KRT73: variants seen among roughly 807,000 people sequenced by gnomAD.
KRT73 encodes the protein keratin 73, also known as keratin, type II cytoskeletal 73.
A neutral mutation model predicts 47.2 loss-of-function variants in KRT73; 44 were observed. The observed-to-expected ratio is 0.93, with a 90% confidence interval of 0.73 to 1.20. KRT73 has a LOEUF of 1.20. Ranked by LOEUF, KRT73 falls within the 50% of genes most tolerant of loss-of-function variation. The probability of loss-of-function intolerance (pLI) is 0.00; values close to 1 mark genes in which losing one functional copy is unlikely to be tolerated. For missense variants in KRT73, 713 were observed against 704.5 expected (o/e 1.01, Z -0.14); for synonymous variants, 285 against 291.3 (o/e 0.98, Z 0.22).
Position 52,618,322 on chromosome 12 carries a change from G to T in KRT73, c.203C>A (p.Ala68Glu). The T allele has an allele frequency of 6.2e-7, 1 of 1,614,124 alleles. No homozygotes were observed. The highest frequency in any genetic ancestry group is 8.5e-7 in the Non-Finnish European group (1 of 1,180,020). The change falls in exon 1 of 9, where the codon GCA becomes GAA. Residue 68 changes from alanine to glutamate, a missense_variant. Transcript: ENST00000305748. Reference sequence around the variant, plus strand: ...GCCCCGGCCAAATCCATAGCCTCCTGCCCACCCACTGCCACTGGCCACATT... The same window carrying T: ...GCCCCGGCCAAATCCATAGCCTCCTTCCCACCCACTGCCACTGGCCACATT... Reference protein sequence around the residue: ...SFNVASGSGWAGGYGFGRGRA... With the variant: ...SFNVASGSGWEGGYGFGRGRA...
chr12:52,608,132 A>G lies in KRT73; in HGVS notation c.*64T>C. The G allele has an allele frequency of 1.3e-6, 2 of 1,518,556 alleles. No individual in the cohort carries two copies. The highest frequency in any genetic ancestry group is 2.8e-5 in the African/African-American group (2 of 72,278). 94.1% of individuals were successfully genotyped at this position (1,518,556 alleles called of 1,614,324 possible). A position where few individuals can be genotyped will look rare whatever the true frequency, so the allele number is the denominator to read the frequency against. On this transcript the variant is annotated 3_prime_UTR_variant, in exon 9 of 9. Coordinates refer to ENST00000305748, the MANE Select transcript of KRT73 (RefSeq NM_175068.3). ...GACAAATGAGACAGAGGAATTTCCT[A>G]GAAGAGTCCGGAGCAGTCTGCCAGG... is the stretch of plus-strand genomic sequence containing the variant.
At chr12:52,627,747 A>G in the KRT73 span, among the ~76,000 whole-genome samples, 1 of 152,244 alleles carries the variant, frequency 6.6e-6, no homozygotes, top group Non-Finnish European at 1.5e-5. Context: ...CAAGGCCTGA[A>G]GTTATTGCTG....
At chr12:52,613,484 G>T in intron 5 of KRT73, 2 of 896,660 alleles carry the variant, frequency 2.2e-6, no homozygotes, top group Non-Finnish European at 1.6e-6. Flanking sequence ...TCAGCTGAGT[G>T]CATCCTCCAG....
chr12:52,614,902 G>T (rs1352401404), intron 3 of KRT73: 11 of 556,618 alleles, frequency 2.0e-5, no homozygotes, highest in Non-Finnish European at 3.2e-5. Context: ...TCAGAGAAGG[G>T]TGTGAGACTC....
At chr12:52,610,323 C>G (rs941250434) in intron 7 of KRT73, 3 of 382,194 alleles carry the variant, frequency 7.8e-6, no homozygotes, top group South Asian at 4.8e-5. Flanking sequence ...GTGATCCACC[C>G]GCCTCAGCCT....
chr12:52,627,120 C>T, the KRT73 span, among the ~76,000 whole-genome samples: 3 of 152,356 alleles, frequency 2.0e-5, no homozygotes, highest in African/African-American at 7.2e-5. Context: ...TACTTAAACA[C>T]TCCCTTCCCC....
At chr12:52,620,508 A>G (rs1217317506), upstream of KRT73, among the ~76,000 whole-genome samples, 4 of 152,122 alleles carry the variant, frequency 2.6e-5, no homozygotes. Context: ...TCACTCCCTA[A>G]TTGGCTCATT....
At chr12:52,609,039 G>C (rs562558256) in intron 8 of KRT73, among the ~76,000 whole-genome samples, 293 of 152,326 alleles carry the variant, frequency 1.9e-3, no homozygotes, top group African/African-American at 6.5e-3. Context: ...CTAGTGTGCA[G>C]TATCAGAATG....
rs371390913 is a variant in KRT73 at position 52,614,777 on chromosome 12, G to A, written c.724-103C>T. On this transcript the variant is annotated intron_variant, in intron 3 of 8. Transcript: ENST00000305748. ...GGCCCTGCCCTAGCTAGCTGCCCAG[G>A]ACTTCAGATCCAAGGGGCAGGAACC... 8.0e-6 allele frequency: 7 copies of A among 878,910 alleles called. No individual in the cohort carries two copies. The African/African-American group carries it at 1.0e-4, about 13-fold the overall frequency. The allele number at this position is 878,910 out of a possible 1,614,324, so 54.4% of individuals were successfully genotyped here.
the KRT73 span, among the ~76,000 whole-genome samples, chr12:52,627,972 A>G: frequency 3.3e-5 from 5 of 152,186 alleles, no homozygotes; most frequent in African/African-American, 1.2e-4. Flanking sequence ...GGTAGTGAAC[A>G]ATACTCAGGG....
At position 52,615,246 on chromosome 12, in the gene KRT73, G is replaced by T. The variant is rs1940792425; in HGVS notation, c.723+33C>A. The stretch of plus-strand genomic sequence containing the variant: ...TCTCTTAGCCCAGCACCCACTGCTG[G>T]GGGACTGAAGGGAACCCATGCACCC... On this transcript the variant is annotated intron_variant, in intron 3 of 8. Coordinates refer to ENST00000305748, the MANE Select transcript of KRT73 (RefSeq NM_175068.3). 3 of 1,592,328 alleles carry T rather than the reference G, an allele frequency of 1.9e-6. No homozygotes were observed. The African/African-American group carries it at 4.0e-5, about 21-fold the overall frequency.
upstream of KRT73, among the ~76,000 whole-genome samples, chr12:52,621,843 C>T (rs1178871607): frequency 6.6e-6 from 1 of 152,056 alleles, no homozygotes; most frequent in African/African-American, 2.4e-5. Context: ...TAGATGGAAT[C>T]AGGGAAGTCC....
rs73320388 is a variant in KRT73, at chr12:52,611,003, C to T, written c.1111-168G>A. On this transcript the variant is annotated intron_variant, in intron 6 of 8. Transcript: ENST00000305748. ...CAACCTGAGACTGAGAGGCTTGCTA[C>T]GCTGGGCCCCACAGCTTTATGAAAA... is the stretch of plus-strand genomic sequence containing the variant. 2.4e-5 allele frequency: 21 copies of T among 889,474 alleles called. 2 individuals carry two copies. The highest frequency in any genetic ancestry group is 1.6e-4 in the South Asian group (9 of 57,862). 55.1% of individuals were successfully genotyped at this position (889,474 alleles called of 1,614,324 possible).
At chr12:52,623,045 AG>A (rs1481977350), upstream of KRT73, among the ~76,000 whole-genome samples, 15 of 152,214 alleles carry the variant, frequency 9.9e-5, no homozygotes, top group African/African-American at 3.4e-4. Flanking sequence ...GGAAAGGAAA[AG>A]AAGTATTGCT....
chr12:52,618,834 G>T (rs984546083), upstream of KRT73, among the ~76,000 whole-genome samples: 4 of 152,202 alleles, frequency 2.6e-5, no homozygotes, highest in Admixed American at 6.5e-5. Context: ...GAGGTTTGTC[G>T]CAGTCTCAAT....
At chr12:52,618,591 G>GATCC, upstream of KRT73, 11 of 1,493,652 alleles carry the variant, frequency 7.4e-6, no homozygotes, top group Non-Finnish European at 9.9e-6. Context: ...ACCAGCCTGT[G>GATCC]ATCCTGGGCT....
chr12:52,615,127 C>T (rs1940789681), intron 3 of KRT73, 152 bp downstream of exon 3: 2 of 622,730 alleles, frequency 3.2e-6, no homozygotes, highest in Admixed American at 5.7e-5. Context: ...CACCAGGTGT[C>T]CCAAAATGTC....
Position 52,616,282 on chromosome 12 carries a change from G to A in KRT73, c.546C>T (p.Ile182=), listed in dbSNP as rs1592245235. The part of the protein sequence containing the change: ...LNNCKNNLEP[I]LEGYISNLRK... ...GCAGGTTGCTGATGTAGCCCTCAAG[G>A]ATGGGCTCCAGGTTATTCTTGCAGT... Residue 182 remains isoleucine (I), a synonymous_variant, in exon 2 of 9, where the codon ATC becomes ATT. Coordinates refer to ENST00000305748, the MANE Select transcript of KRT73 (RefSeq NM_175068.3). 1 of 1,614,046 alleles carries A rather than the reference G, an allele frequency of 6.2e-7. No homozygotes were observed. Among genetic ancestry groups the A allele is most frequent in the African/African-American group, 1.3e-5 (1 of 74,910 alleles).
chr12:52,615,876 C>G (rs1940803670), intron 2 of KRT73, among the ~76,000 whole-genome samples: 1 of 152,134 alleles, frequency 6.6e-6, no homozygotes, highest in African/African-American at 2.4e-5. Flanking sequence ...AACTCAGGGG[C>G]ACAGTGGTGA....
Sources: allele counts gnomAD v4.1 joint callset (sites outside exome capture counted in the v4.1 genomes callset), GRCh38; gene constraint gnomAD v4.1.1; transcripts MANE v1.5; gene names NCBI Gene and HGNC (gene_info 2026-07-23, HGNC 2026-07-21).